KCNC2: variants seen among roughly 807,000 people sequenced by gnomAD.
KCNC2 encodes voltage-gated potassium channel KCNC2.
In KCNC2, 21 loss-of-function variants were observed where a neutral mutation model predicts 44.5. That is an observed-to-expected ratio of 0.47 (90% CI 0.33 to 0.68). The LOEUF (loss-of-function observed/expected upper bound fraction) is 0.68, where lower values mean the gene tolerates loss of function less well. Among genes scored for constraint, KCNC2 ranks in the 30% least tolerant of loss-of-function variants. The pLI, the probability that KCNC2 is intolerant of heterozygous loss-of-function variation, is 0.01. For synonymous variants in KCNC2, 391 were observed against 339.1 expected, an observed-to-expected ratio of 1.15 and a Z score of -1.68; for missense variants, 589 against 826.2, an observed-to-expected ratio of 0.71 and a Z score of 3.52.
chr12:75,045,146 G>A (rs147071247), intron 4 of KCNC2, among the ~76,000 whole-genome samples: 1,567 of 152,032 alleles, frequency 0.01, 21 homozygotes, highest in African/African-American at 0.035. Context: ...GATTAAAGGC[G>A]AAGTGGTGAA....
intron 2 of KCNC2, chr12:75,124,665 T>A (rs923189513): frequency 6.6e-6 from 1 of 152,172 alleles, no homozygotes; most frequent in African/African-American, 2.4e-5. Flanking sequence ...AAATTTAAAA[T>A]TTTTTTAAAA....
chr12:75,193,332 G>A (rs2030471754), intron 2 of KCNC2, among the ~76,000 whole-genome samples: 1 of 152,162 alleles, frequency 6.6e-6, no homozygotes, highest in Admixed American at 6.5e-5. Context: ...GTTGGAAGTG[G>A]AGTAATGTAA....
intron 2 of KCNC2, among the ~76,000 whole-genome samples, chr12:75,108,535 G>A (rs1886972038): frequency 6.6e-6 from 1 of 152,126 alleles, no homozygotes. Flanking sequence ...TGTCTTAGAA[G>A]CAATTATTTT....
At chr12:75,144,257 T>C (rs1471942597) in intron 2 of KCNC2, among the ~76,000 whole-genome samples, 1 of 152,226 alleles carries the variant, frequency 6.6e-6, no homozygotes, top group Non-Finnish European at 1.5e-5. Flanking sequence ...TACAAGTTAT[T>C]GGAAGACATG....
chr12:75,087,889 A>G (rs1885156286), intron 2 of KCNC2, among the ~76,000 whole-genome samples: 2 of 152,006 alleles, frequency 1.3e-5, no homozygotes, highest in African/African-American at 2.4e-5. Flanking sequence ...ATGTGTTTCA[A>G]ATGAAACCCT....
chr12:75,189,563 T>C (rs539440904), intron 2 of KCNC2, among the ~76,000 whole-genome samples: 20 of 152,350 alleles, frequency 1.3e-4, no homozygotes, highest in African/African-American at 4.6e-4. Context: ...TGTACCAACC[T>C]GTGCTAGGCA....
rs556342036 is a variant in KCNC2, at chr12:75,045,795, A to G, written c.1780+2358T>C. ...GAGTTTACTCTTTTAGTGAATCCTT[A>G]AAGTTTTCTTAATATATGCCCAATT... is the stretch of plus-strand genomic sequence containing the variant. On this transcript the variant is annotated intron_variant, in intron 4 of 4. Transcript: ENST00000549446. Among the ~76,000 whole-genome samples, 15 of 152,026 alleles carry G rather than the reference A, an allele frequency of 9.9e-5. No individual in the cohort carries two copies. In the East Asian group the frequency reaches 2.1e-3, roughly 22 times the overall value.
chr12:75,196,565 G>A (rs1036954207), intron 2 of KCNC2, among the ~76,000 whole-genome samples: 1 of 152,072 alleles, frequency 6.6e-6, no homozygotes, highest in African/African-American at 2.4e-5. Context: ...TTTCCTCGTA[G>A]CACTCTACTG....
chr12:75,054,115 T>G (rs1199831783), intron 2 of KCNC2, among the ~76,000 whole-genome samples: 1 of 151,694 alleles, frequency 6.6e-6, no homozygotes, highest in Non-Finnish European at 1.5e-5. Context: ...CCCAGCTACT[T>G]TCCCAAGTAC....
At chr12:75,057,079 T>C (rs1014427990) in intron 2 of KCNC2, among the ~76,000 whole-genome samples, 6 of 152,022 alleles carry the variant, frequency 3.9e-5, no homozygotes, top group Admixed American at 2.6e-4. Context: ...GTATTCTAGG[T>C]TTAATTTTAA....
At chr12:75,177,032 T>TTA (rs3073537) in intron 2 of KCNC2, among the ~76,000 whole-genome samples, 28,859 of 139,586 alleles carry the variant, frequency 0.21, 2,941 homozygotes, top group Admixed American at 0.27. Context: ...GCTGCAAGTT[T>TTA]TATATATATA....
intron 2 of KCNC2, among the ~76,000 whole-genome samples, chr12:75,072,783 A>T (rs578084860): frequency 2.8e-4 from 43 of 152,222 alleles, no homozygotes; most frequent in Non-Finnish European, 6.2e-4. Context: ...ATTTAATGCT[A>T]TTTCAGTAAA....
intron 2 of KCNC2, among the ~76,000 whole-genome samples, chr12:75,189,796 C>T (rs2030019519): frequency 6.6e-6 from 1 of 152,170 alleles, no homozygotes; most frequent in South Asian, 2.1e-4. Flanking sequence ...CAATTACAGT[C>T]AAAGCAGCAA....
chr12:75,161,038 T>C (rs965372506), intron 2 of KCNC2, among the ~76,000 whole-genome samples: 28 of 149,498 alleles, frequency 1.9e-4, no homozygotes, highest in African/African-American at 6.5e-4. Flanking sequence ...TACTAGGTTA[T>C]GTGAGGTGTA....
chr12:75,041,918 C>A lies in KCNC2; in HGVS notation c.*1187G>T. The A allele has an allele frequency of 1.0e-6, 1 of 996,334 alleles. No individual in the cohort carries two copies. Among genetic ancestry groups the A allele is most frequent in the Non-Finnish European group, 1.2e-6 (1 of 837,480 alleles). The allele number at this position is 996,334 out of a possible 1,614,324, so 61.7% of individuals were successfully genotyped here. On this transcript the variant is annotated 3_prime_UTR_variant, in exon 5 of 5. Coordinates refer to ENST00000549446, the MANE Select transcript of KCNC2 (RefSeq NM_139137.4). ...TCATAAACATCTTACAGAGGCATTT[C>A]TGTGCTTCATGGAGACAGATGGCAT...
At chr12:75,168,412 A>G (rs1891596013) in intron 2 of KCNC2, among the ~76,000 whole-genome samples, 1 of 151,508 alleles carries the variant, frequency 6.6e-6, no homozygotes. Flanking sequence ...GCCTAAGGCC[A>G]TAAAGAAGCT....
intron 2 of KCNC2, among the ~76,000 whole-genome samples, chr12:75,148,125 T>C (rs934277148): frequency 6.6e-6 from 1 of 152,062 alleles, no homozygotes; most frequent in African/African-American, 2.4e-5. Context: ...TATACATATA[T>C]CAGAACATTG....
chr12:75,069,129 CTTTT>C (rs1158151551), intron 2 of KCNC2, among the ~76,000 whole-genome samples: 20 of 63,660 alleles, frequency 3.1e-4, no homozygotes, highest in South Asian at 1.5e-3. Context: ...TTTATATAAT[CTTTT>C]TTTTTTTTTT....
At chr12:75,148,062 G>A (rs529524383) in intron 2 of KCNC2, among the ~76,000 whole-genome samples, 3 of 152,048 alleles carry the variant, frequency 2.0e-5, no homozygotes, top group Non-Finnish European at 4.4e-5. Flanking sequence ...CATCCAAATT[G>A]TAAATAAAAG....
Sources: allele counts gnomAD v4.1 joint callset (sites outside exome capture counted in the v4.1 genomes callset), GRCh38; gene constraint gnomAD v4.1.1; transcripts MANE v1.5; gene names NCBI Gene and HGNC (gene_info 2026-07-23, HGNC 2026-07-21).